Variants in GNPAT observed in about 807,000 individuals in gnomAD.
GNPAT encodes dihydroxyacetone phosphate acyltransferase.
Under a neutral mutation model 78.4 loss-of-function variants are expected in GNPAT, and 30 were observed. The observed-to-expected ratio is 0.38, with a 90% CI of 0.29 to 0.52. The LOEUF (loss-of-function observed/expected upper bound fraction) is 0.52. Ranked by LOEUF, GNPAT falls within the 20% of genes least tolerant of loss-of-function variation. The pLI, the probability that GNPAT is intolerant of heterozygous loss-of-function variation, is 0.84. For missense variants in GNPAT, 714 were observed against 812.2 expected (o/e 0.88, Z 1.47); for synonymous variants, 271 against 281.1 (o/e 0.96, Z 0.36).
intron 1 of GNPAT, among the ~76,000 whole-genome samples, chr1:231,248,981 C>T (rs1173373740): frequency 6.6e-6 from 1 of 152,180 alleles, no homozygotes; most frequent in African/African-American, 2.4e-5. Context: ...CAATGCATTT[C>T]TCAGAGTGTA....
At chr1:231,242,214 G>A (rs1684631476) in intron 1 of GNPAT, among the ~76,000 whole-genome samples, 1 of 152,028 alleles carries the variant, frequency 6.6e-6, no homozygotes, top group Non-Finnish European at 1.5e-5. Flanking sequence ...CAACTGGTTT[G>A]GTTTTTGTTT....
chr1:231,273,468 GTCTCGA>G (rs1296620690), intron 11 of GNPAT, among the ~76,000 whole-genome samples: 1 of 151,904 alleles, frequency 6.6e-6, no homozygotes, highest in Admixed American at 6.6e-5. Context: ...AGCCAGGATG[GTCTCGA>G]TCTCCTGACT....
Position 231,260,668 on chromosome 1 carries a change from A to G in GNPAT, c.423A>G (p.Glu141=), listed in dbSNP as rs1373504798. The G allele has an allele frequency of 5.0e-6, 8 of 1,604,768 alleles. No homozygotes were observed. The highest frequency in any genetic ancestry group is 6.8e-6 in the Non-Finnish European group (8 of 1,171,616). ...TTTTCTCGAAGGTGTGTGTAAATGA[A>G]GAAGGTATTCAGAAAGTGAGTATTG... ...KQIFSKVCVN[E]EGIQKLQRAI... Residue 141 remains glutamate (E), a synonymous_variant, in exon 3 of 16, where the codon GAA becomes GAG. Coordinates refer to ENST00000366647, the MANE Select transcript of GNPAT (RefSeq NM_014236.4).
Position 231,272,627 on chromosome 1 carries a change from A to C in GNPAT, c.1602+236A>C, listed in dbSNP as rs374371195. 9.8e-5 allele frequency among the ~76,000 whole-genome samples: 15 copies of C among 152,350 alleles called. No individual in the cohort carries two copies. The South Asian group carries it at 2.3e-3, about 23-fold the overall frequency. ...TGAGAGGAGAGTCATTCTTTGAACT[A>C]TCAGTGTGGCCATTACAACTAAACT... On this transcript the variant is annotated intron_variant, in intron 11 of 15. Coordinates refer to ENST00000366647, the MANE Select transcript of GNPAT (RefSeq NM_014236.4).
At chr1:231,270,367 T>C (rs959660610) in intron 9 of GNPAT, among the ~76,000 whole-genome samples, 3 of 152,196 alleles carry the variant, frequency 2.0e-5, no homozygotes, top group African/African-American at 7.2e-5. Flanking sequence ...ATCATGGGCC[T>C]TTTTCTTAGT....
At chr1:231,277,298 G>T (rs1299965667) in intron 15 of GNPAT, among the ~76,000 whole-genome samples, 1 of 152,198 alleles carries the variant, frequency 6.6e-6, no homozygotes, top group Non-Finnish European at 1.5e-5. Flanking sequence ...CTGGCCCTGT[G>T]GCTCTGGCCA....
chr1:231,265,093 C>G (rs1431243428), intron 4 of GNPAT, among the ~76,000 whole-genome samples, 200 bp from the exon 5 acceptor site: 1 of 152,182 alleles, frequency 6.6e-6, no homozygotes, highest in Non-Finnish European at 1.5e-5. Context: ...TGGCTTATGC[C>G]TGTAATCCCA....
At chr1:231,263,696 T>C (rs529446360) in intron 4 of GNPAT, among the ~76,000 whole-genome samples, 153 of 152,252 alleles carry the variant, frequency 1.0e-3, no homozygotes, top group African/African-American at 3.6e-3. Context: ...GCTGCACCAT[T>C]TTACATTCCC....
chr1:231,277,710 C>T lies in GNPAT; in HGVS notation c.*168C>T. ...ATGATCATTGGAAGCAATCAGTTTA[C>T]TCTTCCCCACCACAGTGGTTAAAAG... On this transcript the variant is annotated 3_prime_UTR_variant, in exon 16 of 16. Coordinates refer to ENST00000366647, the MANE Select transcript of GNPAT (RefSeq NM_014236.4). The T allele has an allele frequency of 1.6e-6, 1 of 628,198 alleles. No homozygotes were observed. Among genetic ancestry groups the T allele is most frequent in the East Asian group, 2.8e-5 (1 of 36,188 alleles). The allele number at this position is 628,198 out of a possible 1,614,324, so 38.9% of individuals were successfully genotyped here.
intron 2 of GNPAT, among the ~76,000 whole-genome samples, chr1:231,257,653 T>C (rs950092743): frequency 6.6e-6 from 1 of 152,170 alleles, no homozygotes; most frequent in African/African-American, 2.4e-5. Flanking sequence ...CCTGCTGCTG[T>C]CTCCCTGGTC....
In GNPAT at chr1:231,255,276, A is replaced by G. The variant is rs1685017500; in HGVS notation, c.261+4133A>G. Among the ~76,000 whole-genome samples the G allele has an allele frequency of 3.3e-5, 5 of 151,662 alleles. No homozygotes were observed. The South Asian group carries it at 8.3e-4, about 25-fold the overall frequency. ...ACTATCCCTTCTTATTTCTTCAACT[A>G]CTTCTTTATTAGCTCTTCTCCCATC... is the stretch of plus-strand genomic sequence containing the variant. On this transcript the variant is annotated intron_variant, in intron 2 of 15. Transcript: ENST00000366647.
At chr1:231,265,629 C>A in intron 5 of GNPAT, 83 bp from the exon 6 acceptor site, 1 of 958,158 alleles carries the variant, frequency 1.0e-6, no homozygotes, top group Non-Finnish European at 1.7e-6. Context: ...TGGGAGGGAG[C>A]TTGGGAAAAG....
chr1:231,244,364 A>T (rs886193239), intron 1 of GNPAT, among the ~76,000 whole-genome samples: 50 of 152,348 alleles, frequency 3.3e-4, no homozygotes, highest in African/African-American at 1.2e-3. Context: ...AGTAACAGTG[A>T]GCCCAGGAAG....
rs576635256 is a variant in GNPAT at position 231,266,519 on chromosome 1, A to G, written c.1055+112A>G. The G allele has an allele frequency of 8.0e-6, 7 of 873,278 alleles. 1 individual carries two copies. The Middle Eastern group carries it at 9.1e-4, about 114-fold the overall frequency. The allele number at this position is 873,278 out of a possible 1,614,324, so 54.1% of individuals were successfully genotyped here. ...TTGATTTACTTAAGATTACAGAGAA[A>G]ATGATCAGAAATGCTGTTATCATTC... On this transcript the variant is annotated intron_variant, in intron 8 of 15. Transcript: ENST00000366647.
intron 1 of GNPAT, 76 bp from the exon 2 acceptor site, chr1:231,250,885 C>T: frequency 1.1e-6 from 1 of 945,030 alleles, no homozygotes; most frequent in Non-Finnish European, 1.7e-6. Context: ...AAAGATGAAA[C>T]CTTACCAATG....
At chr1:231,265,675 C>A in intron 5 of GNPAT, 37 bp from the exon 6 acceptor site, 1 of 1,185,702 alleles carries the variant, frequency 8.4e-7, no homozygotes, top group Non-Finnish European at 1.3e-6. Flanking sequence ...TGAGAGTAGG[C>A]AATGGGTTTT....
At chr1:231,247,947 A>G (rs1325594027) in intron 1 of GNPAT, among the ~76,000 whole-genome samples, 3 of 152,198 alleles carry the variant, frequency 2.0e-5, no homozygotes, top group Non-Finnish European at 4.4e-5. Flanking sequence ...CCACGGAAGG[A>G]TTGTAGATGA....
At chr1:231,251,608 C>T (rs889084979) in intron 2 of GNPAT, among the ~76,000 whole-genome samples, 1 of 152,082 alleles carries the variant, frequency 6.6e-6, no homozygotes, top group Non-Finnish European at 1.5e-5. Context: ...TTCAAAATCC[C>T]CATATCATCC....
chr1:231,253,973 C>T (rs911358190), intron 2 of GNPAT, among the ~76,000 whole-genome samples: 1 of 152,162 alleles, frequency 6.6e-6, no homozygotes, highest in African/African-American at 2.4e-5. Flanking sequence ...CCACCACACC[C>T]GGCTAATTTT....
Sources: allele counts gnomAD v4.1 joint callset (sites outside exome capture counted in the v4.1 genomes callset), GRCh38; gene constraint gnomAD v4.1.1; transcripts MANE v1.5; gene names NCBI Gene and HGNC (gene_info 2026-07-23, HGNC 2026-07-21).